Variants in RNASEH2A observed in about 807,000 individuals in gnomAD.
RNASEH2A encodes the protein ribonuclease H2 subunit A.
A neutral mutation model predicts 32.7 loss-of-function variants in RNASEH2A; 30 were observed. The observed-to-expected ratio is 0.92, with a 90% confidence interval of 0.69 to 1.25. RNASEH2A has a LOEUF of 1.25. Among genes scored for constraint, RNASEH2A ranks in the 50% most tolerant of loss-of-function variants. The probability of loss-of-function intolerance (pLI) is 0.00; values close to 1 mark genes in which losing one functional copy is unlikely to be tolerated. For missense variants in RNASEH2A, 409 were observed against 398.1 expected (o/e 1.03, Z -0.23); for synonymous variants, 147 against 165.4 (o/e 0.89, Z 0.86).
chr19:12,812,018 A>C lies in RNASEH2A; in HGVS notation c.638-1065A>C, dbSNP rs886622479. 5.9e-5 allele frequency among the ~76,000 whole-genome samples: 9 copies of C among 152,008 alleles called. 1 individual carries two copies. Among genetic ancestry groups the C allele is most frequent in the Non-Finnish European group, 1.2e-4 (8 of 68,016 alleles). On this transcript the variant is annotated intron_variant, in intron 6 of 7. Transcript: ENST00000221486. ...TTTAAGAGACAGAGGCAGGTAGATCATGTGAACTCAGGAATTCACAACCAG... is the reference window on the plus strand; with the variant it reads ...TTTAAGAGACAGAGGCAGGTAGATCCTGTGAACTCAGGAATTCACAACCAG...
chr19:12,813,060 C>T (rs1246188092), intron 6 of RNASEH2A, 23 bp from the exon 7 acceptor site: 2 of 1,613,692 alleles, frequency 1.2e-6, no homozygotes, highest in East Asian at 2.2e-5. Context: ...CTTGGACTGT[C>T]ACCATTGCCC....
intron 5 of RNASEH2A, 24 bp from the exon 6 acceptor site, chr19:12,810,293 T>C: frequency 6.2e-7 from 1 of 1,614,118 alleles, no homozygotes; most frequent in South Asian, 1.1e-5. Flanking sequence ...GGAGGGAGAT[T>C]CCAGGTGCCT....
intron 4 of RNASEH2A, 45 bp from the exon 5 acceptor site, chr19:12,810,026 G>T (rs1433917446): frequency 6.2e-7 from 1 of 1,612,808 alleles, no homozygotes; most frequent in African/African-American, 1.3e-5. Flanking sequence ...CTAGAGCATT[G>T]GTACAGTTGT....
intron 6 of RNASEH2A, among the ~76,000 whole-genome samples, chr19:12,811,917 A>AAAT (rs60819630): frequency 0.13 from 19,407 of 148,134 alleles, 1,528 homozygotes; most frequent in Admixed American, 0.24. Flanking sequence ...TTCCATCTCA[A>AAAT]AATAATAATA....
In RNASEH2A at chr19:12,807,097, G is replaced by C. The variant is rs992561670; in HGVS notation, c.199+18G>C. On this transcript the variant is annotated intron_variant, in intron 2 of 7. Transcript: ENST00000221486. The stretch of plus-strand genomic sequence containing the variant: ...AGTGGCAGGTGAGCCCGAGGTGTGC[G>C]TCTGGGGAAGGGATTCCTGGGTATG... The C allele has an allele frequency of 1.9e-6, 3 of 1,614,060 alleles. No homozygotes were observed. The highest frequency in any genetic ancestry group is 2.5e-6 in the Non-Finnish European group (3 of 1,180,048).
In RNASEH2A at chr19:12,813,388, T is replaced by G; in HGVS notation, c.822T>G (p.Asn274Lys). Residue 274 changes from asparagine (N) to lysine (K), a missense_variant, in exon 8 of 8, where the codon AAT becomes AAG. Asn to Lys is a moderately conservative substitution (Grantham distance 94). Coordinates refer to ENST00000221486, the MANE Select transcript of RNASEH2A (RefSeq NM_006397.3). ...GGAAGATCACATCCTACTTCCTCAA[T>G]GAAGGGTCCCAAGCCCGTCCCCGTT... ...GLRKITSYFL[N>K]EGSQARPRSS... 6.2e-7 allele frequency: 1 copy of G among 1,614,154 alleles called. No individual in the cohort carries two copies. The highest frequency in any genetic ancestry group is 8.5e-7 in the Non-Finnish European group (1 of 1,180,024).
rs1350845585 is a variant in RNASEH2A, at chr19:12,813,378, A to G, written c.812A>G (p.Tyr271Cys). The G allele has an allele frequency of 7.4e-6, 12 of 1,614,002 alleles. No homozygotes were observed. Among genetic ancestry groups the G allele is most frequent in the Middle Eastern group, 1.6e-4 (1 of 6,084 alleles). Residue 271 changes from tyrosine to cysteine, a missense_variant, in exon 8 of 8, where the codon TAC (tyrosine) becomes TGC (cysteine). Coordinates refer to ENST00000221486, the MANE Select transcript of RNASEH2A (RefSeq NM_006397.3). The part of the protein sequence containing the change: ...NQEGLRKITS[Y>C]FLNEGSQARP... ...GAGGGACTCAGGAAGATCACATCCTACTTCCTCAATGAAGGGTCCCAAGCC... is the reference window on the plus strand; with the variant it reads ...GAGGGACTCAGGAAGATCACATCCTGCTTCCTCAATGAAGGGTCCCAAGCC...
chr19:12,812,838 C>T (rs1322281867), intron 6 of RNASEH2A, among the ~76,000 whole-genome samples: 1 of 151,930 alleles, frequency 6.6e-6, no homozygotes, highest in Admixed American at 6.6e-5. Context: ...AACCTCGTCA[C>T]TACTAAAAAC....
rs147131347 is a variant in RNASEH2A at position 12,813,129 on chromosome 19, C to T, written c.684C>T (p.Phe228=). Reference sequence around the variant, plus strand: ...TGAAGGAGCACGTGGAGCCTGTGTTCGGCTTCCCCCAGTTTGTCCGGTTCA... The same window carrying T: ...TGAAGGAGCACGTGGAGCCTGTGTTTGGCTTCCCCCAGTTTGTCCGGTTCA... ...AWLKEHVEPV[F]GFPQFVRFSW... The change falls in exon 7 of 8, where the codon TTC becomes TTT. Residue 228 remains phenylalanine (F), a synonymous_variant. Transcript: ENST00000221486. The T allele has an allele frequency of 1.6e-4, 263 of 1,614,080 alleles. No individual in the cohort carries two copies. In the African/African-American group the frequency reaches 2.8e-3, roughly 17 times the overall value.
rs1555734300 is a variant in RNASEH2A, at chr19:12,806,702, A to G, written c.29A>G (p.Asn10Ser). 3 of 1,571,750 alleles carry G rather than the reference A, an allele frequency of 1.9e-6. No individual in the cohort carries two copies. Among genetic ancestry groups the G allele is most frequent in the South Asian group, 2.3e-5 (2 of 85,784 alleles). ...GATCTCAGCGAGCTGGAGAGAGACA[A>G]TACAGGCCGCTGTCGCCTGAGTTCG... MDLSELERD[N>S]TGRCRLSSPV... The change falls in exon 1 of 8, where the codon AAT (asparagine) becomes AGT (serine). Residue 10 changes from asparagine (N) to serine (S), a missense_variant. Coordinates refer to ENST00000221486, the MANE Select transcript of RNASEH2A (RefSeq NM_006397.3).
At chr19:12,809,426 C>T (rs1176156279) in intron 4 of RNASEH2A, among the ~76,000 whole-genome samples, 1 of 152,160 alleles carries the variant, frequency 6.6e-6, no homozygotes, top group African/African-American at 2.4e-5. Context: ...TGTTCTCACA[C>T]CTAGAGCCCT....
intron 4 of RNASEH2A, among the ~76,000 whole-genome samples, chr19:12,809,125 A>G (rs1969036954): frequency 6.6e-6 from 1 of 152,192 alleles, no homozygotes; most frequent in Non-Finnish European, 1.5e-5. Context: ...CTGTAATCCC[A>G]GCACTTTGGG....
chr19:12,813,411 G>A lies in RNASEH2A; in HGVS notation c.845G>A (p.Arg282His), dbSNP rs150985454. 18 of 1,613,966 alleles carry A rather than the reference G, an allele frequency of 1.1e-5. No homozygotes were observed. Among genetic ancestry groups the A allele is most frequent in the Middle Eastern group, 1.6e-4 (1 of 6,084 alleles). ...FLNEGSQARP[R>H]SSHRYFLERG... is the part of the protein sequence containing the mutation. Reference sequence around the variant, plus strand: ...AATGAAGGGTCCCAAGCCCGTCCCCGTTCTTCCCACCGATATTTCCTGGAA... The same window carrying A: ...AATGAAGGGTCCCAAGCCCGTCCCCATTCTTCCCACCGATATTTCCTGGAA... Residue 282 changes from arginine to histidine, a missense_variant, in exon 8 of 8, where the codon CGT (arginine) becomes CAT (histidine). Physicochemically the swap from Arg to His is conservative, Grantham distance 29. Coordinates refer to ENST00000221486, the MANE Select transcript of RNASEH2A (RefSeq NM_006397.3).
Position 12,807,434 on chromosome 19 carries a change from G to T in RNASEH2A, c.339G>T (p.Leu113=), listed in dbSNP as rs145176499. 454 of 1,614,170 alleles carry T rather than the reference G, an allele frequency of 2.8e-4. 4 individuals carry two copies. The African/African-American group carries it at 5.4e-3, about 19-fold the overall frequency. ...CCCACCACAGGGTCAAATACAACCTGAACTCCCTGTCACATGATACAGCCA... is the reference window on the plus strand; with the variant it reads ...CCCACCACAGGGTCAAATACAACCTTAACTCCCTGTCACATGATACAGCCA... ...TSMLGRVKYN[L]NSLSHDTATG... The change falls in exon 4 of 8, where the codon CTG becomes CTT. Residue 113 remains leucine (L), a synonymous_variant. Coordinates refer to ENST00000221486, the MANE Select transcript of RNASEH2A (RefSeq NM_006397.3).
chr19:12,810,477 T>C (rs1969058033), intron 6 of RNASEH2A, 73 bp downstream of exon 6: 7 of 1,264,736 alleles, frequency 5.5e-6, no homozygotes, highest in Non-Finnish European at 8.1e-6. Context: ...GTTTTCTTTT[T>C]TTCCTTTCTG....
chr19:12,806,726 C>T lies in RNASEH2A; in HGVS notation c.53C>T (p.Ser18Leu). ...AATACAGGCCGCTGTCGCCTGAGTTCGCCTGTGCCCGCGGTGTGCCGCAAG... is the reference window on the plus strand; with the variant it reads ...AATACAGGCCGCTGTCGCCTGAGTTTGCCTGTGCCCGCGGTGTGCCGCAAG... ...RDNTGRCRLS[S>L]PVPAVCRKEP... Residue 18 changes from serine to leucine, a missense_variant, in exon 1 of 8, where the codon TCG becomes TTG. Ser to Leu is a moderately radical substitution (Grantham distance 145). Coordinates refer to ENST00000221486, the MANE Select transcript of RNASEH2A (RefSeq NM_006397.3). 1 of 1,568,376 alleles carries T rather than the reference C, an allele frequency of 6.4e-7. No individual in the cohort carries two copies. The highest frequency in any genetic ancestry group is 8.6e-7 in the Non-Finnish European group (1 of 1,156,468).
chr19:12,810,666 G>T (rs1270578512), intron 6 of RNASEH2A, among the ~76,000 whole-genome samples: 1 of 152,092 alleles, frequency 6.6e-6, no homozygotes, highest in African/African-American at 2.4e-5. Context: ...GAGTAGCTGG[G>T]ATTACAGGCA....
intron 6 of RNASEH2A, 73 bp from the exon 7 acceptor site, chr19:12,813,007 GAAA>G: frequency 2.7e-6 from 4 of 1,458,092 alleles, no homozygotes; most frequent in Non-Finnish European, 3.8e-6. Context: ...CCATCTCAAA[GAAA>G]AAAAAAAGAG....
At chr19:12,807,104 G>A (rs1969004573) in intron 2 of RNASEH2A, 25 bp downstream of exon 2, 1 of 1,614,176 alleles carries the variant, frequency 6.2e-7, no homozygotes, top group African/African-American at 1.3e-5. Flanking sequence ...TGCGTCTGGG[G>A]AAGGGATTCC....
Sources: allele counts gnomAD v4.1 joint callset (sites outside exome capture counted in the v4.1 genomes callset), GRCh38; gene constraint gnomAD v4.1.1; transcripts MANE v1.5; gene names NCBI Gene and HGNC (gene_info 2026-07-23, HGNC 2026-07-21).